COMMD10: variants seen among roughly 807,000 people sequenced by gnomAD.
COMMD10 encodes the protein COMM domain-containing protein 10.
In COMMD10, 33 loss-of-function variants were observed where a neutral mutation model predicts 28.9. That is an observed-to-expected ratio of 1.14 (90% confidence interval 0.87 to 1.53). The LOEUF is 1.53. Ranked by LOEUF, COMMD10 falls within the 40% of genes most tolerant of loss-of-function variation. The pLI is 0.00. For missense variants in COMMD10, 310 were observed against 233.4 expected, an observed-to-expected ratio of 1.33 and a Z score of -2.14; for synonymous variants, 110 against 81.7, an observed-to-expected ratio of 1.35 and a Z score of -1.87.
intron 5 of COMMD10, among the ~76,000 whole-genome samples, chr5:116,165,866 G>A (rs186279394): frequency 1.6e-3 from 250 of 152,018 alleles, no homozygotes; most frequent in African/African-American, 5.8e-3. Flanking sequence ...TGCTGTTTAG[G>A]GCTATAACAT....
intron 5 of COMMD10, among the ~76,000 whole-genome samples, chr5:116,231,486 A>G (rs1373497297): frequency 1.3e-5 from 2 of 152,132 alleles, no homozygotes; most frequent in African/African-American, 2.4e-5. Context: ...AGTCGTGGTT[A>G]TATGGGTGTG....
At chr5:116,112,652 C>T (rs1751090129) in intron 4 of COMMD10, among the ~76,000 whole-genome samples, 1 of 152,106 alleles carries the variant, frequency 6.6e-6, no homozygotes, top group Admixed American at 6.5e-5. Flanking sequence ...TGTTGGCCTC[C>T]CAAAGTGCTG....
intron 5 of COMMD10, among the ~76,000 whole-genome samples, chr5:116,154,983 T>C (rs1465537519): frequency 6.6e-6 from 1 of 152,142 alleles, no homozygotes; most frequent in Non-Finnish European, 1.5e-5. Flanking sequence ...TATTTTTCTT[T>C]AGCAGTTTTG....
intron 5 of COMMD10, among the ~76,000 whole-genome samples, chr5:116,235,262 G>T (rs1561679794): frequency 6.6e-6 from 1 of 152,148 alleles, no homozygotes. Context: ...TTCTTTTTAG[G>T]AGTGTTTTTG....
At chr5:116,276,081 C>T (rs1266811645) in intron 5 of COMMD10, among the ~76,000 whole-genome samples, 1 of 150,956 alleles carries the variant, frequency 6.6e-6, no homozygotes, top group Admixed American at 6.6e-5. Flanking sequence ...AGCACCAAAG[C>T]AAGCAGCAGG....
intron 5 of COMMD10, among the ~76,000 whole-genome samples, chr5:116,219,658 C>G (rs1237020154): frequency 6.6e-6 from 1 of 152,104 alleles, no homozygotes; most frequent in Non-Finnish European, 1.5e-5. Flanking sequence ...CCCAGTGAAA[C>G]TATTTTGGAC....
intron 5 of COMMD10, among the ~76,000 whole-genome samples, chr5:116,136,484 G>C (rs548098102): frequency 6.6e-6 from 1 of 152,180 alleles, no homozygotes; most frequent in African/African-American, 2.4e-5. Flanking sequence ...ACATACATTG[G>C]ATATGCTTTA....
At chr5:116,178,902 A>C (rs889191695) in intron 5 of COMMD10, among the ~76,000 whole-genome samples, 1 of 152,110 alleles carries the variant, frequency 6.6e-6, no homozygotes, top group Non-Finnish European at 1.5e-5. Context: ...TGTATACCTT[A>C]ATTATTCAAT....
chr5:116,174,636 G>A (rs1753441881), intron 5 of COMMD10, among the ~76,000 whole-genome samples: 1 of 152,018 alleles, frequency 6.6e-6, no homozygotes, highest in African/African-American at 2.4e-5. Flanking sequence ...GAATATGGTA[G>A]GATTTGTTGG....
intron 5 of COMMD10, among the ~76,000 whole-genome samples, chr5:116,274,104 T>C (rs919687390): frequency 4.0e-5 from 6 of 151,766 alleles, no homozygotes; most frequent in Non-Finnish European, 5.9e-5. Flanking sequence ...TAAATGATAG[T>C]GAAGAGGGTC....
rs556452918 is a variant in COMMD10 at position 116,235,863 on chromosome 5, A to G, written c.511-55654A>G. 1.7e-3 allele frequency among the ~76,000 whole-genome samples: 265 copies of G among 152,286 alleles called. 1 individual carries two copies. Among genetic ancestry groups the G allele is most frequent in the Middle Eastern group, 0.01 (3 of 294 alleles). Reference sequence around the variant, plus strand: ...ATTTTATTCATTCAGTTCGCTTGATACTTGCTCAGCCCTTCCATCTTAAAA... The same window carrying G: ...ATTTTATTCATTCAGTTCGCTTGATGCTTGCTCAGCCCTTCCATCTTAAAA... On this transcript the variant is annotated intron_variant, in intron 5 of 6. Coordinates refer to ENST00000274458, the MANE Select transcript of COMMD10 (RefSeq NM_016144.4).
chr5:116,118,916 G>A (rs1167739576), intron 4 of COMMD10, among the ~76,000 whole-genome samples: 2 of 152,164 alleles, frequency 1.3e-5, no homozygotes, highest in African/African-American at 2.4e-5. Flanking sequence ...TGAAGATTTC[G>A]TTAATGCCAG....
Position 116,087,562 on chromosome 5 carries a change from G to A in COMMD10, c.107G>A (p.Arg36Gln), listed in dbSNP as rs1397108489. ...GGAAGATTTCCACGGTTGCTCACTC[G>A]GATTCTTCAAAAACTTCACCTGAAG... Reference protein sequence around the residue: ...DTGRFPRLLTRILQKLHLKAE... With the variant: ...DTGRFPRLLTQILQKLHLKAE... Residue 36 changes from arginine to glutamine, a missense_variant, in exon 2 of 7, where the codon CGG (arginine) becomes CAG (glutamine). Physicochemically the swap from Arg to Gln is conservative, Grantham distance 43. Transcript: ENST00000274458. 4.3e-6 allele frequency: 7 copies of A among 1,610,736 alleles called. No homozygotes were observed. Among genetic ancestry groups the A allele is most frequent in the Non-Finnish European group, 5.9e-6 (7 of 1,177,038 alleles).
chr5:116,174,125 G>A (rs1043057088), intron 5 of COMMD10, among the ~76,000 whole-genome samples: 6 of 149,644 alleles, frequency 4.0e-5, no homozygotes, highest in East Asian at 1.9e-4. Flanking sequence ...GAGCAATAAC[G>A]GTACTATTTT....
At chr5:116,161,531 T>G (rs1322869063) in intron 5 of COMMD10, among the ~76,000 whole-genome samples, 25 of 152,152 alleles carry the variant, frequency 1.6e-4, no homozygotes. Flanking sequence ...ACTAGTTGCC[T>G]ACTGTTACCC....
intron 5 of COMMD10, among the ~76,000 whole-genome samples, chr5:116,279,283 G>GT (rs764891269): frequency 2.6e-5 from 4 of 151,860 alleles, no homozygotes; most frequent in Non-Finnish European, 5.9e-5. Context: ...CAAGTTTAGA[G>GT]TTTTTGCTGC....
intron 1 of COMMD10, among the ~76,000 whole-genome samples, chr5:116,087,232 C>A (rs1370234528): frequency 2.0e-5 from 3 of 152,124 alleles, no homozygotes; most frequent in Non-Finnish European, 2.9e-5. Flanking sequence ...CTGCGCAGTA[C>A]AAGGTTTCCC....
chr5:116,222,419 C>T (rs1204181893), intron 5 of COMMD10, among the ~76,000 whole-genome samples: 1 of 152,050 alleles, frequency 6.6e-6, no homozygotes, highest in Non-Finnish European at 1.5e-5. Context: ...TTTCTGTACC[C>T]ATTAGGGTAT....
At chr5:116,242,894 G>A (rs1407829795) in intron 5 of COMMD10, among the ~76,000 whole-genome samples, 1 of 152,140 alleles carries the variant, frequency 6.6e-6, no homozygotes, top group Non-Finnish European at 1.5e-5. Flanking sequence ...AAATGCATTT[G>A]AGATGGACCT....
Sources: allele counts gnomAD v4.1 joint callset (sites outside exome capture counted in the v4.1 genomes callset), GRCh38; gene constraint gnomAD v4.1.1; transcripts MANE v1.5; gene names NCBI Gene and HGNC (gene_info 2026-07-23, HGNC 2026-07-21).